Variants in CCNY observed in about 807,000 individuals in gnomAD.
CCNY encodes cyclin Y.
A neutral mutation model predicts 42.8 loss-of-function variants in CCNY; 19 were observed. The observed-to-expected ratio is 0.44, with a 90% CI of 0.31 to 0.65. The LOEUF (loss-of-function observed/expected upper bound fraction) is 0.65, where lower values mean the gene tolerates loss of function less well. CCNY is among the 30% of genes least tolerant of loss of function. The pLI is 0.07. For missense variants in CCNY, 370 were observed against 437.3 expected (o/e 0.85, Z 1.37); for synonymous variants, 165 against 162.7 (o/e 1.01, Z -0.11).
At chr10:35,373,319 T>A (rs1455659337) in intron 1 of CCNY, among the ~76,000 whole-genome samples, 3 of 152,164 alleles carry the variant, frequency 2.0e-5, no homozygotes, top group African/African-American at 2.4e-5. Flanking sequence ...GCTGACTCCA[T>A]TGTAGGTGCT....
chr10:35,256,984 A>G (rs1425437898), intron 3 of CCNY, among the ~76,000 whole-genome samples: 1 of 152,188 alleles, frequency 6.6e-6, no homozygotes, highest in Admixed American at 6.5e-5. Context: ...AGACTATCAT[A>G]TAGTCTATCA....
In CCNY at chr10:35,501,529, T is replaced by A; in HGVS notation, c.258T>A (p.Ile86=). The change falls in exon 3 of 10, where the codon ATT becomes ATA. Residue 86 remains isoleucine (I), a synonymous_variant. Transcript: ENST00000374704. ...DVREKRKSLF[I]NHHPPGQIAR... ...GAGAAAAACGCAAGAGTCTCTTCAT[T>A]AACCATGTAAGTGAAGCTGTCTCCC... 1.9e-6 allele frequency: 3 copies of A among 1,613,662 alleles called. No individual in the cohort carries two copies. The highest frequency in any genetic ancestry group is 2.5e-6 in the Non-Finnish European group (3 of 1,179,506).
At chr10:35,514,239 C>G (rs1042219111) in intron 3 of CCNY, among the ~76,000 whole-genome samples, 1 of 152,164 alleles carries the variant, frequency 6.6e-6, no homozygotes, top group African/African-American at 2.4e-5. Flanking sequence ...GACTTAGTGC[C>G]TAAATGGTCT....
At chr10:35,424,553 C>T (rs1002060707) in intron 1 of CCNY, among the ~76,000 whole-genome samples, 1 of 152,214 alleles carries the variant, frequency 6.6e-6, no homozygotes, top group South Asian at 2.1e-4. Flanking sequence ...GTAGTAAACA[C>T]CCCCCTGCAT....
intron 1 of CCNY, among the ~76,000 whole-genome samples, chr10:35,452,140 C>G (rs1276872090): frequency 6.6e-6 from 1 of 152,030 alleles, no homozygotes; most frequent in Non-Finnish European, 1.5e-5. Context: ...CTGTTGAGTA[C>G]CAGAGAACAT....
intron 3 of CCNY, among the ~76,000 whole-genome samples, chr10:35,312,352 G>C (rs1835695927): frequency 7.7e-6 from 1 of 129,164 alleles, no homozygotes; most frequent in East Asian, 2.4e-4. Context: ...CTGCACTCCA[G>C]CCTGGGCAAC....
chr10:35,548,827 A>G (rs145228055), intron 7 of CCNY, among the ~76,000 whole-genome samples: 1 of 152,172 alleles, frequency 6.6e-6, no homozygotes, highest in Non-Finnish European at 1.5e-5. Context: ...CACAGCTCGA[A>G]CCTGTGTTGT....
chr10:35,384,046 C>T (rs911480177), intron 1 of CCNY, among the ~76,000 whole-genome samples: 1 of 152,088 alleles, frequency 6.6e-6, no homozygotes, highest in Admixed American at 6.5e-5. Flanking sequence ...ACAGACAGCA[C>T]ACTGGGAAAC....
chr10:35,418,521 T>C (rs1838076243), intron 1 of CCNY, among the ~76,000 whole-genome samples: 1 of 152,204 alleles, frequency 6.6e-6, no homozygotes, highest in Non-Finnish European at 1.5e-5. Context: ...TGTCCTCTTG[T>C]CCACAGGCCC....
chr10:35,392,865 C>T (rs1410488293), intron 1 of CCNY, among the ~76,000 whole-genome samples: 1 of 152,222 alleles, frequency 6.6e-6, no homozygotes, highest in Admixed American at 6.5e-5. Context: ...CCAGATGCTA[C>T]TCAGTCTCCT....
At chr10:35,556,321 G>T (rs1841361960) in intron 8 of CCNY, among the ~76,000 whole-genome samples, 1 of 152,216 alleles carries the variant, frequency 6.6e-6, no homozygotes, top group Non-Finnish European at 1.5e-5. Context: ...GGGAGATGCA[G>T]CTCAGGTGCC....
At chr10:35,253,159 T>G (rs2135022619) in intron 3 of CCNY, among the ~76,000 whole-genome samples, 1 of 152,342 alleles carries the variant, frequency 6.6e-6, no homozygotes, top group African/African-American at 2.4e-5. Context: ...TATGTACCTG[T>G]TGATGACTAG....
intron 1 of CCNY, among the ~76,000 whole-genome samples, chr10:35,345,034 A>G (rs1438733432): frequency 6.6e-6 from 1 of 152,222 alleles, no homozygotes; most frequent in Non-Finnish European, 1.5e-5. Context: ...CGCAATAAAC[A>G]TGCATGTGCA....
At chr10:35,532,003 T>A (rs1840779567) in intron 7 of CCNY, among the ~76,000 whole-genome samples, 1 of 152,244 alleles carries the variant, frequency 6.6e-6, no homozygotes, top group Non-Finnish European at 1.5e-5. Flanking sequence ...ACTATTGAAA[T>A]CTTCATTTGT....
intron 4 of CCNY, among the ~76,000 whole-genome samples, chr10:35,525,113 T>C (rs1840625613): frequency 3.9e-5 from 6 of 152,212 alleles, no homozygotes; most frequent in Admixed American, 3.9e-4. Context: ...AAGTAAATTA[T>C]TCGACAATCA....
intron 1 of CCNY, among the ~76,000 whole-genome samples, chr10:35,474,783 C>G (rs1031796183): frequency 3.3e-5 from 5 of 152,200 alleles, no homozygotes; most frequent in African/African-American, 1.2e-4. Context: ...AGCAACGGAA[C>G]AAAGCTGGAC....
At chr10:35,254,123 G>A (rs891168073) in intron 3 of CCNY, among the ~76,000 whole-genome samples, 2 of 151,768 alleles carry the variant, frequency 1.3e-5, no homozygotes, top group African/African-American at 2.4e-5. Flanking sequence ...GTGATCCGCC[G>A]GCCTCAGCCT....
intron 1 of CCNY, among the ~76,000 whole-genome samples, chr10:35,406,169 T>C (rs1389525657): frequency 1.4e-5 from 2 of 143,928 alleles, no homozygotes; most frequent in Non-Finnish European, 3.0e-5. Context: ...AGTCTAATTT[T>C]TGGAGCTTTT....
intron 2 of CCNY, among the ~76,000 whole-genome samples, chr10:35,488,949 A>G (rs558485768): frequency 5.4e-4 from 82 of 152,300 alleles, no homozygotes; most frequent in African/African-American, 1.9e-3. Context: ...TTGATTTTGA[A>G]AAGTCATTTA....
Sources: gnomAD v4.1 joint callset for allele counts (sites outside exome capture counted in the v4.1 genomes callset) on GRCh38, gnomAD v4.1.1 for gene constraint, MANE v1.5 for transcripts, NCBI Gene and HGNC (gene_info 2026-07-23, HGNC 2026-07-21) for gene names.